The following HRH1 variants were observed in gnomAD, a reference collection of about 807,000 sequenced individuals.
The protein encoded by HRH1 is histamine H1 receptor.
A neutral mutation model predicts 10.3 loss-of-function variants in HRH1; 6 were observed. The ratio of observed to expected loss-of-function variants is 0.58; its 90% confidence interval spans 0.32 to 1.15. The LOEUF is 1.15. Ranked by LOEUF, HRH1 falls within the 50% of genes most tolerant of loss-of-function variation. The probability of loss-of-function intolerance (pLI) is 0.05; values close to 1 mark genes in which losing one functional copy is unlikely to be tolerated. For missense variants in HRH1, 514 were observed against 615.3 expected (o/e 0.84, Z 1.74); for synonymous variants, 242 against 236.7 (o/e 1.02, Z -0.21).
chr3:11,139,282 T>C (rs890070614), intron 1 of HRH1, among the ~76,000 whole-genome samples: 92 of 145,286 alleles, frequency 6.3e-4, no homozygotes, highest in Middle Eastern at 3.6e-3. Flanking sequence ...CCGCCCGCCT[T>C]TTTTTTTTTT....
chr3:11,255,208 G>T (rs891107343), intron 1 of HRH1, among the ~76,000 whole-genome samples: 4 of 152,276 alleles, frequency 2.6e-5, no homozygotes, highest in Admixed American at 2.6e-4. Context: ...TCACGCCATT[G>T]CACTCCAGCT....
At chr3:11,219,480 G>A (rs572103210) in intron 1 of HRH1, among the ~76,000 whole-genome samples, 102 of 152,080 alleles carry the variant, frequency 6.7e-4, no homozygotes, top group Non-Finnish European at 1.3e-3. Context: ...TTGGGAGGCC[G>A]AGGCGGGCGG....
At chr3:11,184,917 CAAAAA>C (rs11360744) in intron 1 of HRH1, among the ~76,000 whole-genome samples, 1 of 117,292 alleles carries the variant, frequency 8.5e-6, no homozygotes, top group African/African-American at 3.3e-5. Flanking sequence ...GACTCCATTT[CAAAAA>C]AAAAAAAAAA....
chr3:11,205,797 G>A (rs1465846025), intron 1 of HRH1, among the ~76,000 whole-genome samples: 2 of 151,944 alleles, frequency 1.3e-5, no homozygotes, highest in Non-Finnish European at 2.9e-5. Flanking sequence ...GAGTAGCTGG[G>A]ACTACAGGCA....
intron 1 of HRH1, among the ~76,000 whole-genome samples, chr3:11,227,476 G>A (rs375097101): frequency 7.2e-5 from 11 of 151,772 alleles, no homozygotes; most frequent in African/African-American, 2.4e-4. Context: ...TAGTGGAGAC[G>A]AGGTTTCCCC....
chr3:11,260,209 G>A lies in HRH1; in HGVS notation c.1172G>A (p.Trp391Ter). ...GGCCTGGATTACATCAAGTTTACTT[G>A]GAAGAGGCTCCGCTCGCATTCAAGA... ...NTGLDYIKFT[W>*]KRLRSHSRQY... Residue 391 changes from tryptophan to a stop codon, truncating the protein, a stop_gained, in exon 2 of 2, where the codon TGG (tryptophan) becomes TAG (stop). Coordinates refer to ENST00000431010, the MANE Select transcript of HRH1 (RefSeq NM_001098212.2). LOFTEE classifies it high-confidence loss of function. The A allele has an allele frequency of 6.2e-7, 1 of 1,614,098 alleles. No homozygotes were observed. The highest frequency in any genetic ancestry group is 1.1e-5 in the South Asian group (1 of 91,080).
chr3:11,149,785 G>A (rs1045071042), upstream of HRH1, among the ~76,000 whole-genome samples: 10 of 152,324 alleles, frequency 6.6e-5, no homozygotes, highest in African/African-American at 2.2e-4. Flanking sequence ...GTATATGAAC[G>A]TTCACTAAAG....
chr3:11,155,413 A>G (rs1321093779), intron 1 of HRH1, among the ~76,000 whole-genome samples: 1 of 152,258 alleles, frequency 6.6e-6, no homozygotes, highest in Non-Finnish European at 1.5e-5. Context: ...AGCCAGGAGC[A>G]GGAGCTGGAG....
chr3:11,260,414 C>T lies in HRH1; in HGVS notation c.1377C>T (p.Ile459=). ...TGTTCACCATCTGGCTGGGCTACAT[C>T]AACTCCACACTGAACCCCCTCATCT... ...LHMFTIWLGY[I]NSTLNPLIYP... is the part of the protein sequence containing the mutation. The change falls in exon 2 of 2, where the codon ATC becomes ATT. Residue 459 remains isoleucine, a synonymous_variant. Coordinates refer to ENST00000431010, the MANE Select transcript of HRH1 (RefSeq NM_001098212.2). The T allele has an allele frequency of 6.2e-7, 1 of 1,614,096 alleles. No homozygotes were observed. Among genetic ancestry groups the T allele is most frequent in the Non-Finnish European group, 8.5e-7 (1 of 1,179,960 alleles).
intron 1 of HRH1, among the ~76,000 whole-genome samples, chr3:11,255,802 A>G (rs757824851): frequency 5.9e-5 from 9 of 152,228 alleles, no homozygotes; most frequent in Non-Finnish European, 1.2e-4. Flanking sequence ...TCAGATATGC[A>G]TTTATCTCAG....
At chr3:11,155,448 C>G (rs113785987) in intron 1 of HRH1, among the ~76,000 whole-genome samples, 2 of 152,202 alleles carry the variant, frequency 1.3e-5, no homozygotes, top group East Asian at 1.9e-4. Flanking sequence ...AAGGAAGTCA[C>G]GTCTCCTGCT....
chr3:11,187,694 C>G (rs1381328650), intron 1 of HRH1, among the ~76,000 whole-genome samples: 1 of 152,212 alleles, frequency 6.6e-6, no homozygotes, highest in Non-Finnish European at 1.5e-5. Context: ...ATACTCCTGT[C>G]TTCAGGAAGC....
intron 1 of HRH1, among the ~76,000 whole-genome samples, chr3:11,205,633 C>T (rs933923295): frequency 1.8e-4 from 27 of 151,864 alleles, no homozygotes; most frequent in Non-Finnish European, 2.9e-4. Context: ...TGGGCAAGAG[C>T]TCTGTTCCCC....
intron 1 of HRH1, among the ~76,000 whole-genome samples, chr3:11,184,681 C>A (rs1051944048): frequency 1.3e-5 from 2 of 151,960 alleles, no homozygotes; most frequent in African/African-American, 4.8e-5. Context: ...TTTGGGAGGC[C>A]GAGGCGGGCG....
At chr3:11,215,968 C>T (rs894653715) in intron 1 of HRH1, among the ~76,000 whole-genome samples, 2 of 152,008 alleles carry the variant, frequency 1.3e-5, no homozygotes, top group Admixed American at 6.5e-5. Context: ...CTCTTCCCAA[C>T]AATATTTTAA....
At chr3:11,250,007 G>A (rs890809138) in intron 1 of HRH1, among the ~76,000 whole-genome samples, 2 of 149,800 alleles carry the variant, frequency 1.3e-5, no homozygotes, top group African/African-American at 4.9e-5. Context: ...AAGAGGAAAA[G>A]GAGGAAGAGG....
intron 1 of HRH1, among the ~76,000 whole-genome samples, chr3:11,146,188 G>C (rs944183907): frequency 2.6e-5 from 4 of 152,164 alleles, no homozygotes; most frequent in African/African-American, 9.7e-5. Context: ...AGTTCCAGTG[G>C]TTCCACATCC....
chr3:11,185,350 T>C (rs750328922), intron 1 of HRH1, among the ~76,000 whole-genome samples: 18 of 152,200 alleles, frequency 1.2e-4, no homozygotes, highest in Non-Finnish European at 2.4e-4. Flanking sequence ...CTGGGAAGCC[T>C]TCCCTGAATT....
chr3:11,164,972 G>A (rs1165522396), intron 1 of HRH1, among the ~76,000 whole-genome samples: 1 of 152,216 alleles, frequency 6.6e-6, no homozygotes, highest in African/African-American at 2.4e-5. Context: ...GTGATCATGT[G>A]CCTGCTGTAC....
Sources: allele counts gnomAD v4.1 joint callset (sites outside exome capture counted in the v4.1 genomes callset), GRCh38; gene constraint gnomAD v4.1.1; transcripts MANE v1.5; gene names NCBI Gene and HGNC (gene_info 2026-07-23, HGNC 2026-07-21).